The following PGR variants were observed in gnomAD, a reference collection of about 807,000 sequenced individuals.
PGR encodes progesterone receptor.
PGR carries 25 observed loss-of-function variants against 76.1 expected under a neutral mutation model. That is an observed-to-expected ratio of 0.33 (90% CI 0.24 to 0.46). The LOEUF (loss-of-function observed/expected upper bound fraction) is 0.46. PGR is among the 20% of genes least tolerant of loss of function. The probability of loss-of-function intolerance (pLI) is 1.00; values close to 1 mark genes in which losing one functional copy is unlikely to be tolerated. For missense variants in PGR, 1,172 were observed against 1,225.3 expected (o/e 0.96, Z 0.65); for synonymous variants, 579 against 535.0 (o/e 1.08, Z -1.14).
chr11:101,122,602 G>A (rs1279895893), intron 2 of PGR, among the ~76,000 whole-genome samples: 3 of 152,166 alleles, frequency 2.0e-5, no homozygotes, highest in Non-Finnish European at 4.4e-5. Context: ...AATGCAATGG[G>A]CTATCCAACC....
intron 3 of PGR, among the ~76,000 whole-genome samples, chr11:101,070,175 G>A (rs768862159): frequency 2.6e-5 from 4 of 152,118 alleles, no homozygotes; most frequent in African/African-American, 7.2e-5. Flanking sequence ...CATGGAGAGC[G>A]AGCTGAAGCA....
intron 3 of PGR, among the ~76,000 whole-genome samples, chr11:101,081,780 G>A (rs892887727): frequency 1.3e-5 from 2 of 152,108 alleles, no homozygotes; most frequent in Admixed American, 1.3e-4. Flanking sequence ...GGAAGCAAAA[G>A]AACCATACCT....
At chr11:101,125,549 T>A (rs1292248249) in intron 2 of PGR, among the ~76,000 whole-genome samples, 1 of 152,230 alleles carries the variant, frequency 6.6e-6, no homozygotes, top group Non-Finnish European at 1.5e-5. Context: ...GAAAACTGCA[T>A]CATATACATG....
intron 2 of PGR, among the ~76,000 whole-genome samples, chr11:101,094,417 C>T (rs779283873): frequency 6.6e-6 from 1 of 152,120 alleles, no homozygotes; most frequent in African/African-American, 2.4e-5. Context: ...TATTTTGGGG[C>T]CTCTCTTTTC....
rs1248452115 is a variant in PGR at position 101,127,930 on chromosome 11, G to A, written c.1141C>T (p.Gln381Ter). 6.2e-7 allele frequency: 1 copy of A among 1,611,674 alleles called. No individual in the cohort carries two copies. ...TCCTTTATCTTTAGAGCGGGCGGCT[G>A]GAAGTCGCTATAGAGAGGGTACGCG... is the stretch of plus-strand genomic sequence containing the variant. ...DDAYPLYSDF[Q>*]PPALKIKEEE... Residue 381 changes from glutamine (Q) to a stop codon, truncating the protein, a stop_gained, in exon 1 of 8, where the codon CAG (glutamine) becomes TAG (stop). Coordinates refer to ENST00000325455, the MANE Select transcript of PGR (RefSeq NM_000926.4). LOFTEE classifies it high-confidence loss of function.
chr11:101,061,831 G>A (rs552963263), intron 4 of PGR, among the ~76,000 whole-genome samples: 1 of 152,232 alleles, frequency 6.6e-6, no homozygotes, highest in South Asian at 2.1e-4. Context: ...TAGCTGATAA[G>A]TAAAGTGACT....
At chr11:101,089,724 G>A (rs1370885235) in intron 3 of PGR, among the ~76,000 whole-genome samples, 5 of 151,808 alleles carry the variant, frequency 3.3e-5, no homozygotes, top group African/African-American at 1.2e-4. Context: ...AGGGAGGGAG[G>A]GAGGGACGGA....
intron 4 of PGR, among the ~76,000 whole-genome samples, chr11:101,058,587 A>T (rs928555662): frequency 3.9e-5 from 6 of 152,236 alleles, no homozygotes; most frequent in South Asian, 2.1e-4. Context: ...AATTCAAAGC[A>T]TTGACCTAAA....
chr11:101,124,141 T>C (rs1237298727), intron 2 of PGR, among the ~76,000 whole-genome samples: 1 of 152,196 alleles, frequency 6.6e-6, no homozygotes, highest in African/African-American at 2.4e-5. Context: ...TAAGTAACTC[T>C]TTGTAATTAC....
At chr11:101,121,908 T>C (rs1190482569) in intron 2 of PGR, among the ~76,000 whole-genome samples, 1 of 152,164 alleles carries the variant, frequency 6.6e-6, no homozygotes. Context: ...GGCTCACGCC[T>C]GTAATCCCAG....
At chr11:101,118,447 T>C (rs1862574811) in intron 2 of PGR, among the ~76,000 whole-genome samples, 1 of 152,226 alleles carries the variant, frequency 6.6e-6, no homozygotes, top group African/African-American at 2.4e-5. Flanking sequence ...CACTTGGTTA[T>C]AGAAGAGTAA....
At chr11:101,116,231 C>G (rs1456000950) in intron 2 of PGR, among the ~76,000 whole-genome samples, 2 of 152,214 alleles carry the variant, frequency 1.3e-5, no homozygotes, top group Non-Finnish European at 2.9e-5. Flanking sequence ...ATTCATGATA[C>G]AGAGTAACCT....
At chr11:101,070,562 T>A (rs1054921103) in intron 3 of PGR, among the ~76,000 whole-genome samples, 1 of 152,172 alleles carries the variant, frequency 6.6e-6, no homozygotes, top group African/African-American at 2.4e-5. Flanking sequence ...CCCAGTAAGT[T>A]GAGATTCACT....
At chr11:101,107,766 C>G (rs990600405) in intron 2 of PGR, among the ~76,000 whole-genome samples, 1 of 149,802 alleles carries the variant, frequency 6.7e-6, no homozygotes, top group Non-Finnish European at 1.5e-5. Flanking sequence ...ATGTGTTCAA[C>G]TTCATTATTT....
chr11:101,038,998 T>G lies in PGR; in HGVS notation c.*118A>C, dbSNP rs1859604821. 1.4e-6 allele frequency: 1 copy of G among 699,166 alleles called. No homozygotes were observed. Among genetic ancestry groups the G allele is most frequent in the East Asian group, 2.7e-5 (1 of 37,162 alleles). 43.3% of individuals were successfully genotyped at this position (699,166 alleles called of 1,614,324 possible). ...ATTTTTCTTTTAAATTTACACACTA[T>G]GATGTTATAAATGTAAGGCTTTCAG... On this transcript the variant is annotated 3_prime_UTR_variant, in exon 8 of 8. Transcript: ENST00000325455.
chr11:101,061,373 T>C (rs1191573623), intron 4 of PGR, among the ~76,000 whole-genome samples: 1 of 152,206 alleles, frequency 6.6e-6, no homozygotes, highest in East Asian at 1.9e-4. Context: ...TTTCTTAATA[T>C]GTATTTTTTG....
chr11:101,044,241 G>A lies in PGR; in HGVS notation c.2489-2139C>T, dbSNP rs1859787605. Reference sequence around the variant, plus strand: ...TGCAGCTTCTGCATCAGCACTTGCTGCTTCACCTTATACTTTGTTATGGAA... The same window carrying A: ...TGCAGCTTCTGCATCAGCACTTGCTACTTCACCTTATACTTTGTTATGGAA... On this transcript the variant is annotated intron_variant, in intron 6 of 7. Coordinates refer to ENST00000325455, the MANE Select transcript of PGR (RefSeq NM_000926.4). Among the ~76,000 whole-genome samples the A allele has an allele frequency of 2.0e-5, 3 of 152,148 alleles. No individual in the cohort carries two copies. In the South Asian group the frequency reaches 6.2e-4, roughly 32 times the overall value.
intron 2 of PGR, among the ~76,000 whole-genome samples, chr11:101,112,609 G>A (rs541463): frequency 0.12 from 17,822 of 152,174 alleles, 1,358 homozygotes; most frequent in Non-Finnish European, 0.16. Context: ...AGGCTGAGAA[G>A]AGAAGGTGGA....
chr11:101,105,600 A>G lies in PGR; in HGVS notation c.1790-13724T>C, dbSNP rs188951914. On this transcript the variant is annotated intron_variant, in intron 2 of 7. Transcript: ENST00000325455. ...AGAGGACACAAACAAATGGAAAAAC[A>G]TTCCATGCTCATGGGTAGGAAGAAT... Among the ~76,000 whole-genome samples, 1,447 of 151,910 alleles carry G rather than the reference A, an allele frequency of 9.5e-3. 13 individuals are homozygous for G. The highest frequency in any genetic ancestry group is 0.037 in the Middle Eastern group (11 of 294).
Sources: gnomAD v4.1 joint callset for allele counts (sites outside exome capture counted in the v4.1 genomes callset) on GRCh38, gnomAD v4.1.1 for gene constraint, MANE v1.5 for transcripts, NCBI Gene and HGNC (gene_info 2026-07-23, HGNC 2026-07-21) for gene names.